PTPRD: variants seen among roughly 807,000 people sequenced by gnomAD.
PTPRD encodes the protein protein tyrosine phosphatase receptor type D.
A neutral mutation model predicts 214.5 loss-of-function variants in PTPRD; 34 were observed. That is an observed-to-expected ratio of 0.16 (90% CI 0.12 to 0.21). The LOEUF (loss-of-function observed/expected upper bound fraction) is 0.21. Among genes scored for constraint, PTPRD ranks in the 10% least tolerant of loss-of-function variants. The pLI is 1.00. For synonymous variants in PTPRD, 1,128 were observed against 845.7 expected (o/e 1.33, Z -5.79); for missense variants, 2,545 against 2,398.7 (o/e 1.06, Z -1.27).
At chr9:9,708,785 A>C (rs996691640) in intron 7 of PTPRD, among the ~76,000 whole-genome samples, 3 of 152,126 alleles carry the variant, frequency 2.0e-5, no homozygotes, top group Non-Finnish European at 4.4e-5. Flanking sequence ...TTTCAAAAAT[A>C]TAATTCAGAA....
intron 11 of PTPRD, among the ~76,000 whole-genome samples, chr9:8,807,608 T>G (rs1419468998): frequency 6.6e-6 from 1 of 152,310 alleles, no homozygotes. Flanking sequence ...CTTTTTTTTT[T>G]TTTTTAAGGA....
intron 5 of PTPRD, among the ~76,000 whole-genome samples, chr9:9,851,226 A>C (rs2060486932): frequency 6.6e-6 from 1 of 152,210 alleles, no homozygotes; most frequent in African/African-American, 2.4e-5. Context: ...TATTACAGGC[A>C]TTATCAAAAG....
intron 3 of PTPRD, among the ~76,000 whole-genome samples, chr9:10,291,484 G>T (rs1347214846): frequency 6.6e-6 from 1 of 152,038 alleles, no homozygotes; most frequent in Admixed American, 6.6e-5. Context: ...ATAATCACAA[G>T]TGTTTTTAAT....
At chr9:8,396,302 T>C (rs988375060) in intron 36 of PTPRD, among the ~76,000 whole-genome samples, 2 of 152,254 alleles carry the variant, frequency 1.3e-5, no homozygotes, top group South Asian at 2.1e-4. Flanking sequence ...GCCCTCCTGA[T>C]AAAAAGTAAT....
chr9:8,938,276 A>T (rs1029224302), intron 11 of PTPRD, among the ~76,000 whole-genome samples: 1 of 151,912 alleles, frequency 6.6e-6, no homozygotes, highest in Non-Finnish European at 1.5e-5. Flanking sequence ...GAAGAGGAGA[A>T]GAGAGGAGAT....
At chr9:9,110,994 C>T (rs1041754692) in intron 10 of PTPRD, among the ~76,000 whole-genome samples, 10 of 152,048 alleles carry the variant, frequency 6.6e-5, no homozygotes, top group South Asian at 4.2e-4. Context: ...AAAGCTTTAC[C>T]GATCTCTGTG....
Position 8,376,024 on chromosome 9 carries a change from G to C in PTPRD, c.4573C>G (p.Pro1525Ala), listed in dbSNP as rs2134820019. 1.2e-6 allele frequency: 2 copies of C among 1,612,944 alleles called. No individual in the cohort carries two copies. The highest frequency in any genetic ancestry group is 2.2e-5 in the East Asian group (1 of 44,852). The stretch of plus-strand genomic sequence containing the variant: ...GCTAGAAAAGGTGTAGGGTGTTCTG[G>C]AACACCATGATCAGGCCAGGCGGTG... ...QFTAWPDHGV[P>A]EHPTPFLAFL... The change falls in exon 39 of 46, where the codon CCA becomes GCA. Residue 1525 changes from proline (P) to alanine (A), a missense_variant. By Grantham distance (27) the Pro-to-Ala change is conservative. Transcript: ENST00000381196.
At chr9:9,781,918 A>T (rs906276883) in intron 5 of PTPRD, among the ~76,000 whole-genome samples, 1 of 151,448 alleles carries the variant, frequency 6.6e-6, no homozygotes. Context: ...TCAGCCTCCC[A>T]AGTAGCTGGG....
chr9:10,132,674 A>G (rs2098904768), intron 3 of PTPRD, among the ~76,000 whole-genome samples: 1 of 152,234 alleles, frequency 6.6e-6, no homozygotes, highest in Non-Finnish European at 1.5e-5. Context: ...AGTAGAGAAC[A>G]GAAGATAAAT....
intron 9 of PTPRD, among the ~76,000 whole-genome samples, chr9:9,359,458 G>A (rs2055146068): frequency 6.6e-6 from 1 of 151,182 alleles, no homozygotes; most frequent in Admixed American, 6.6e-5. Context: ...TTTCATCTCT[G>A]TCCTGATCTT....
intron 7 of PTPRD, among the ~76,000 whole-genome samples, chr9:9,608,993 T>C (rs577875079): frequency 6.6e-6 from 1 of 152,202 alleles, no homozygotes; most frequent in Non-Finnish European, 1.5e-5. Context: ...GCTAGAGTAT[T>C]GTGATTATAC....
At chr9:8,954,647 C>T (rs892687116) in intron 11 of PTPRD, among the ~76,000 whole-genome samples, 3 of 151,718 alleles carry the variant, frequency 2.0e-5, no homozygotes, top group African/African-American at 7.3e-5. Context: ...TGAGAAGTAA[C>T]AGGATGACTT....
chr9:10,253,122 T>C (rs2092937032), intron 3 of PTPRD, among the ~76,000 whole-genome samples: 1 of 152,142 alleles, frequency 6.6e-6, no homozygotes, highest in Non-Finnish European at 1.5e-5. Context: ...ATAGACCTTT[T>C]AAGGATACAG....
At chr9:8,540,735 C>G (rs1018947583) in intron 14 of PTPRD, among the ~76,000 whole-genome samples, 1 of 152,042 alleles carries the variant, frequency 6.6e-6, no homozygotes, top group Non-Finnish European at 1.5e-5. Context: ...GTTCTCTCTT[C>G]CTGAAACAAG....
intron 11 of PTPRD, among the ~76,000 whole-genome samples, chr9:8,932,690 T>C (rs762367617): frequency 6.6e-6 from 1 of 152,086 alleles, no homozygotes; most frequent in Non-Finnish European, 1.5e-5. Context: ...AACCACCTAC[T>C]CAAACCTCAG....
intron 2 of PTPRD, among the ~76,000 whole-genome samples, chr9:10,446,242 T>C (rs2098798195): frequency 6.6e-6 from 1 of 151,942 alleles, no homozygotes; most frequent in Non-Finnish European, 1.5e-5. Context: ...ATAATATGTT[T>C]TTAAAAATAT....
At chr9:9,969,682 C>A (rs757506286) in intron 4 of PTPRD, among the ~76,000 whole-genome samples, 3 of 152,214 alleles carry the variant, frequency 2.0e-5, no homozygotes, top group Non-Finnish European at 4.4e-5. Flanking sequence ...GCTTCTACTG[C>A]CCCTGGATGA....
Position 8,970,917 on chromosome 9 carries a change from A to AAACAAAACAACAAC in PTPRD, c.-104+47779_-104+47780insGTTGTTGTTTTGTT, listed in dbSNP as rs1555626172. 8.8e-4 allele frequency among the ~76,000 whole-genome samples: 131 copies of AAACAAAACAACAAC among 149,692 alleles called. 1 individual carries two copies. The highest frequency in any genetic ancestry group is 3.4e-3 in the Middle Eastern group (1 of 292). On this transcript the variant is annotated intron_variant, in intron 11 of 45. Transcript: ENST00000381196. ...AAACAAAACAAAACAAAACAAAACA[A>AAACAAAACAACAAC]AACAACAACAAAAACCAAACAAAAA...
intron 3 of PTPRD, among the ~76,000 whole-genome samples, chr9:10,208,547 A>C (rs1021903056): frequency 6.6e-6 from 1 of 152,168 alleles, no homozygotes; most frequent in African/African-American, 2.4e-5. Context: ...CTTGAACAGG[A>C]ACAGAAACTC....
Sources: allele counts gnomAD v4.1 joint callset (sites outside exome capture counted in the v4.1 genomes callset), GRCh38; gene constraint gnomAD v4.1.1; transcripts MANE v1.5; gene names NCBI Gene and HGNC (gene_info 2026-07-23, HGNC 2026-07-21).